The following CDH17 variants were observed in gnomAD, a reference collection of about 807,000 sequenced individuals.
CDH17 encodes the protein cadherin-17.
Under a neutral mutation model 86.3 loss-of-function variants are expected in CDH17, and 67 were observed. The ratio of observed to expected loss-of-function variants is 0.78; its 90% CI spans 0.64 to 0.95. The LOEUF is 0.95. CDH17 is among the 40% of genes least tolerant of loss of function. The probability of loss-of-function intolerance (pLI) is 0.00; values close to 1 mark genes in which losing one functional copy is unlikely to be tolerated. For synonymous variants in CDH17, 367 were observed against 366.4 expected (o/e 1.00, Z -0.02); for missense variants, 993 against 1,017.6 (o/e 0.98, Z 0.33).
At chr8:94,194,730 T>A (rs776909852) in intron 1 of CDH17, 25 bp from the exon 2 acceptor site, 5 of 1,272,494 alleles carry the variant, frequency 3.9e-6, no homozygotes, top group Non-Finnish European at 5.7e-6. Context: ...GATAAAAAAA[T>A]GGTTAGTTAC....
At chr8:94,191,867 A>G (rs1321997370) in intron 2 of CDH17, among the ~76,000 whole-genome samples, 1 of 152,092 alleles carries the variant, frequency 6.6e-6, no homozygotes, top group Non-Finnish European at 1.5e-5. Context: ...CCTTTTCCAC[A>G]TCTTTTCCTG....
chr8:94,195,538 T>C (rs1813766988), intron 1 of CDH17, among the ~76,000 whole-genome samples: 1 of 152,124 alleles, frequency 6.6e-6, no homozygotes, highest in Non-Finnish European at 1.5e-5. Context: ...CCAAAAGAGA[T>C]CAAACAAAAA....
In CDH17 at chr8:94,177,725, G is replaced by C. The variant is rs1348484029; in HGVS notation, c.151-4C>G. Reference sequence around the variant, plus strand: ...CAGCAGGAGGATTGGCCTTAAACTGGGGAAAAAGCAAAAAACAGATTAAGT... The same window carrying C: ...CAGCAGGAGGATTGGCCTTAAACTGCGGAAAAAGCAAAAAACAGATTAAGT... On this transcript the variant is annotated splice_region_variant and splice_polypyrimidine_tract_variant and intron_variant, in intron 3 of 17. Coordinates refer to ENST00000027335, the MANE Select transcript of CDH17 (RefSeq NM_004063.4). The C allele has an allele frequency of 6.2e-7, 1 of 1,609,438 alleles. No individual in the cohort carries two copies. Among genetic ancestry groups the C allele is most frequent in the Middle Eastern group, 1.7e-4 (1 of 6,032 alleles).
chr8:94,191,372 G>A (rs914576404), intron 2 of CDH17, among the ~76,000 whole-genome samples: 1 of 151,662 alleles, frequency 6.6e-6, no homozygotes, highest in Non-Finnish European at 1.5e-5. Flanking sequence ...CTTGTTATCT[G>A]AGGAAAATAA....
chr8:94,199,083 A>T (rs13270367), intron 1 of CDH17, among the ~76,000 whole-genome samples: 3,586 of 20,632 alleles, frequency 0.17, 97 homozygotes, highest in Middle Eastern at 0.23. Flanking sequence ...ATATATATAT[A>T]TTTTTTTTTT....
intron 15 of CDH17, among the ~76,000 whole-genome samples, chr8:94,134,035 T>G (rs1812472355): frequency 6.6e-6 from 1 of 152,220 alleles, no homozygotes; most frequent in Non-Finnish European, 1.5e-5. Context: ...AGCTTTTTGA[T>G]GTGCTGCTGG....
intron 10 of CDH17, among the ~76,000 whole-genome samples, chr8:94,163,158 T>G (rs1295169396): frequency 6.6e-6 from 1 of 152,246 alleles, no homozygotes; most frequent in Non-Finnish European, 1.5e-5. Context: ...AACTTCATGT[T>G]GTAGGTGCTA....
intron 1 of CDH17, chr8:94,202,452 T>G (rs1055497367): frequency 9.8e-5 from 15 of 152,996 alleles, no homozygotes; most frequent in African/African-American, 3.4e-4. Flanking sequence ...ATTATAGGTG[T>G]GAGCCACTGC....
intron 3 of CDH17, among the ~76,000 whole-genome samples, chr8:94,182,746 A>C (rs998280519): frequency 6.6e-6 from 1 of 152,114 alleles, no homozygotes; most frequent in Non-Finnish European, 1.5e-5. Flanking sequence ...TTAACATTGT[A>C]CTAGAGATTC....
In CDH17 at chr8:94,200,716, G is replaced by A. The variant is rs183309466; in HGVS notation, c.-20-6011C>T. The stretch of plus-strand genomic sequence containing the variant: ...GAACCAGGGCTGCTGGGCTTGCTCT[G>A]CAGGAACAGTGCCTCATTTTAATCT... On this transcript the variant is annotated intron_variant, in intron 1 of 17. Transcript: ENST00000027335. Among the ~76,000 whole-genome samples, 5 of 151,864 alleles carry A rather than the reference G, an allele frequency of 3.3e-5. No individual in the cohort carries two copies. In the East Asian group the frequency reaches 7.8e-4, roughly 24 times the overall value.
At chr8:94,170,758 T>G in intron 8 of CDH17, 96 bp downstream of exon 8, 1 of 1,452,558 alleles carries the variant, frequency 6.9e-7, no homozygotes, top group Non-Finnish European at 9.3e-7. Flanking sequence ...AAATGTGTGT[T>G]TTTTTTTTCT....
At chr8:94,175,970 C>T (rs1813363007) in intron 5 of CDH17, among the ~76,000 whole-genome samples, 2 of 152,124 alleles carry the variant, frequency 1.3e-5, no homozygotes, top group South Asian at 4.1e-4. Flanking sequence ...CTTACTGCAG[C>T]CTCAATCTCC....
chr8:94,137,912 C>G (rs1384814668), intron 15 of CDH17, among the ~76,000 whole-genome samples: 1 of 152,050 alleles, frequency 6.6e-6, no homozygotes, highest in African/African-American at 2.4e-5. Context: ...TGGAGAGTAC[C>G]TGGGACTGAG....
At position 94,200,802 on chromosome 8, in the gene CDH17, A is replaced by T. The variant is rs547339664; in HGVS notation, c.-20-6097T>A. On this transcript the variant is annotated intron_variant, in intron 1 of 17. Transcript: ENST00000027335. ...CCTGGATCTGCATCCAGCCCGGATA[A>T]CGACAAAGGCAGCAAACATTGACTG... Among the ~76,000 whole-genome samples the T allele has an allele frequency of 1.8e-4, 28 of 152,082 alleles. No homozygotes were observed. In the East Asian group the frequency reaches 5.0e-3, roughly 27 times the overall value.
At position 94,174,190 on chromosome 8, in the gene CDH17, G is replaced by A. The variant is rs139340016; in HGVS notation, c.495C>T (p.Tyr165=). The change falls in exon 6 of 18, where the codon TAC becomes TAT. Residue 165 remains tyrosine, a synonymous_variant. Coordinates refer to ENST00000027335, the MANE Select transcript of CDH17 (RefSeq NM_004063.4). ...DPATPNGQLY[Y]QIVIQLPMIN... ...TCATGGGAAGCTGGATGACAATCTG[G>A]TAATAAAGCTGGCCATTGGGAGTGG... 8.1e-6 allele frequency: 13 copies of A among 1,613,324 alleles called. No individual in the cohort carries two copies. In the African/African-American group the frequency reaches 1.3e-4, roughly 17 times the overall value.
chr8:94,195,158 C>A (rs530561039), intron 1 of CDH17, among the ~76,000 whole-genome samples: 2 of 152,130 alleles, frequency 1.3e-5, no homozygotes, highest in Non-Finnish European at 2.9e-5. Context: ...CCCATCACCA[C>A]GCCTGGCTAA....
chr8:94,171,297 T>C (rs1020434385), intron 7 of CDH17, among the ~76,000 whole-genome samples: 1 of 152,162 alleles, frequency 6.6e-6, no homozygotes, highest in Non-Finnish European at 1.5e-5. Flanking sequence ...CCACGAACCA[T>C]CCATTTAAGA....
rs575063856 is a variant in CDH17 at position 94,198,453 on chromosome 8, A to G, written c.-20-3748T>C. On this transcript the variant is annotated intron_variant, in intron 1 of 17. Coordinates refer to ENST00000027335, the MANE Select transcript of CDH17 (RefSeq NM_004063.4). ...TGCAAGATGATATTATCAATTATAAATGAATAAATTAAGTCTAACAAACTA... is the reference window on the plus strand; with the variant it reads ...TGCAAGATGATATTATCAATTATAAGTGAATAAATTAAGTCTAACAAACTA... Among the ~76,000 whole-genome samples the G allele has an allele frequency of 8.1e-4, 124 of 152,360 alleles. 3 individuals are homozygous for G. The highest frequency in any genetic ancestry group is 2.6e-4 in the Non-Finnish European group (18 of 68,032).
At chr8:94,194,817 A>G (rs1813751795) in intron 1 of CDH17, 112 bp from the exon 2 acceptor site, 1 of 642,438 alleles carries the variant, frequency 1.6e-6, no homozygotes, top group Non-Finnish European at 2.7e-6. Context: ...GTAAAATGGT[A>G]TCCCAAAAGG....
Sources: gnomAD v4.1 joint callset for allele counts (sites outside exome capture counted in the v4.1 genomes callset) on GRCh38, gnomAD v4.1.1 for gene constraint, MANE v1.5 for transcripts, NCBI Gene and HGNC (gene_info 2026-07-23, HGNC 2026-07-21) for gene names.